Variants in MCC observed in about 807,000 individuals in gnomAD.
The protein encoded by MCC is colorectal mutant cancer protein.
A neutral mutation model predicts 116.2 loss-of-function variants in MCC; 90 were observed. The ratio of observed to expected loss-of-function variants is 0.77; its 90% confidence interval spans 0.65 to 0.92. MCC has a LOEUF of 0.92. Ranked by LOEUF, MCC falls within the 40% of genes least tolerant of loss-of-function variation. MCC has a pLI of 0.00. For missense variants in MCC, 1,516 were observed against 1,312.2 expected (o/e 1.16, Z -2.40); for synonymous variants, 578 against 510.5 (o/e 1.13, Z -1.78).
At chr5:113,391,523 C>T (rs180751250) in intron 1 of MCC, among the ~76,000 whole-genome samples, 17 of 151,938 alleles carry the variant, frequency 1.1e-4, no homozygotes, top group East Asian at 5.8e-4. Context: ...GAAACTAGCC[C>T]GGGCAACAAA....
At chr5:113,050,079 C>T (rs1029893899) in intron 15 of MCC, among the ~76,000 whole-genome samples, 6 of 152,194 alleles carry the variant, frequency 3.9e-5, no homozygotes, top group South Asian at 2.1e-4. Context: ...GTTCACATGA[C>T]GTGGCTCATT....
intron 1 of MCC, among the ~76,000 whole-genome samples, chr5:113,463,934 G>GA (rs1771826957): frequency 6.6e-6 from 1 of 152,176 alleles, no homozygotes; most frequent in African/African-American, 2.4e-5. Flanking sequence ...AGATAGAAAG[G>GA]AATGAGCCAA....
intron 3 of MCC, among the ~76,000 whole-genome samples, chr5:113,281,441 C>A (rs1054745141): frequency 1.3e-5 from 2 of 152,188 alleles, no homozygotes; most frequent in African/African-American, 4.8e-5. Context: ...TGTTTCTCTG[C>A]AGTGCATCCT....
At chr5:113,466,694 T>C (rs1771919818) in intron 1 of MCC, among the ~76,000 whole-genome samples, 2 of 152,200 alleles carry the variant, frequency 1.3e-5, no homozygotes, top group African/African-American at 2.4e-5. Flanking sequence ...TTTGGGTATA[T>C]ACCCAGTAAT....
rs151183145 is a variant in MCC at position 113,046,685 on chromosome 5, C to CAAAAAAAAAAAAA, written c.2655+2395_2655+2407dup. Reference sequence around the variant, plus strand: ...ACTGACTGCTAACAAACTCAAAAGGCAAAAAAAAAAAAAAAAAAAAAAAAA... The same window carrying CAAAAAAAAAAAAA: ...ACTGACTGCTAACAAACTCAAAAGGCAAAAAAAAAAAAAAAAAAAAAAAAAAAAAAAAAAAAAA... On this transcript the variant is annotated intron_variant, in intron 16 of 18. Coordinates refer to ENST00000408903, the MANE Select transcript of MCC (RefSeq NM_001085377.2). Among the ~76,000 whole-genome samples the CAAAAAAAAAAAAA allele has an allele frequency of 4.3e-4, 25 of 58,384 alleles. 1 individual carries two copies. Among genetic ancestry groups the CAAAAAAAAAAAAA allele is most frequent in the East Asian group, 1.5e-3 (3 of 2,032 alleles). The allele number at this position is 58,384 out of a possible 152,430, so 38.3% of individuals were successfully genotyped here.
chr5:113,263,687 G>T (rs1222397365), intron 3 of MCC, among the ~76,000 whole-genome samples: 1 of 152,154 alleles, frequency 6.6e-6, no homozygotes, highest in Non-Finnish European at 1.5e-5. Flanking sequence ...TAATTTTATT[G>T]CAGGGAATCC....
intron 3 of MCC, among the ~76,000 whole-genome samples, chr5:113,186,674 G>A (rs1581221751): frequency 6.6e-6 from 1 of 152,100 alleles, no homozygotes; most frequent in Non-Finnish European, 1.5e-5. Flanking sequence ...ACACATACTA[G>A]AGAAAACATC....
intron 8 of MCC, among the ~76,000 whole-genome samples, chr5:113,087,159 T>G (rs1755252147): frequency 6.6e-6 from 1 of 152,194 alleles, no homozygotes; most frequent in African/African-American, 2.4e-5. Context: ...CTTTTCATAT[T>G]AAATGTCTAG....
chr5:113,027,607 G>C, intron 18 of MCC, 125 bp from the exon 19 acceptor site: 2 of 884,700 alleles, frequency 2.3e-6, no homozygotes, highest in Non-Finnish European at 3.5e-6. Flanking sequence ...CATCCTCTTC[G>C]GTAAGAATCT....
intron 16 of MCC, among the ~76,000 whole-genome samples, chr5:113,044,131 A>G (rs1199365621): frequency 6.6e-6 from 1 of 152,192 alleles, no homozygotes; most frequent in Non-Finnish European, 1.5e-5. Flanking sequence ...CAAGTGAGAA[A>G]TACCTGTGAA....
chr5:113,394,506 T>C (rs1026407243), intron 1 of MCC, among the ~76,000 whole-genome samples: 8 of 152,216 alleles, frequency 5.3e-5, no homozygotes, highest in Non-Finnish European at 8.8e-5. Context: ...ATCTTCTTGC[T>C]GAAGTAGGTA....
rs779287648 is a variant in MCC at position 113,488,322 on chromosome 5, C to G, written c.93G>C (p.Thr31=). 6.4e-7 allele frequency: 1 copy of G among 1,552,014 alleles called. No individual in the cohort carries two copies. The highest frequency in any genetic ancestry group is 8.7e-7 in the Non-Finnish European group (1 of 1,151,354). ...GSGSSSSSSD[T]SSTGEEERMR... ...TCCTCTCCTCCTCGCCGGTGCTGGACGTGTCGCTGCTGCTGCTGCTGCTGC... is the reference window on the plus strand; with the variant it reads ...TCCTCTCCTCCTCGCCGGTGCTGGAGGTGTCGCTGCTGCTGCTGCTGCTGC... Residue 31 remains threonine (T), a synonymous_variant, in exon 1 of 19, where the codon ACG becomes ACC. Coordinates refer to ENST00000408903, the MANE Select transcript of MCC (RefSeq NM_001085377.2).
chr5:113,484,749 T>G (rs1314043525), intron 1 of MCC, among the ~76,000 whole-genome samples: 2 of 152,202 alleles, frequency 1.3e-5, no homozygotes, highest in Non-Finnish European at 2.9e-5. Context: ...ATGTTCAACA[T>G]AAGCAGTTTC....
At chr5:113,259,358 C>A (rs530210837) in intron 3 of MCC, among the ~76,000 whole-genome samples, 1 of 152,208 alleles carries the variant, frequency 6.6e-6, no homozygotes, top group East Asian at 1.9e-4. Flanking sequence ...TATTCAGAGA[C>A]CAAGATAATC....
chr5:113,106,061 G>C (rs140449387), intron 6 of MCC, among the ~76,000 whole-genome samples: 2 of 152,278 alleles, frequency 1.3e-5, no homozygotes, highest in Non-Finnish European at 2.9e-5. Context: ...CGTGCAGTCA[G>C]AGTGAGAACC....
intron 1 of MCC, among the ~76,000 whole-genome samples, chr5:113,401,553 G>GT (rs766015524): frequency 2.2e-4 from 33 of 152,098 alleles, no homozygotes; most frequent in Non-Finnish European, 2.2e-4. Context: ...AGCCTTCTCA[G>GT]TATTTCTTGC....
chr5:113,286,205 G>A (rs183120457), intron 3 of MCC, among the ~76,000 whole-genome samples: 1 of 152,296 alleles, frequency 6.6e-6, no homozygotes, highest in Admixed American at 6.5e-5. Context: ...AGACACCGGG[G>A]GCCGCTGGGA....
intron 3 of MCC, among the ~76,000 whole-genome samples, chr5:113,311,731 G>C (rs1182411479): frequency 1.3e-5 from 2 of 151,936 alleles, no homozygotes; most frequent in African/African-American, 4.8e-5. Context: ...CCAGCATTTT[G>C]GGAGGCTGAG....
intron 1 of MCC, among the ~76,000 whole-genome samples, chr5:113,472,643 A>G (rs1378642744): frequency 6.6e-6 from 1 of 152,232 alleles, no homozygotes; most frequent in Non-Finnish European, 1.5e-5. Flanking sequence ...TCTGTAAAGT[A>G]ACTATTGATT....
Sources: allele counts gnomAD v4.1 joint callset (sites outside exome capture counted in the v4.1 genomes callset), GRCh38; gene constraint gnomAD v4.1.1; transcripts MANE v1.5; gene names NCBI Gene and HGNC (gene_info 2026-07-23, HGNC 2026-07-21).